The following NHSL2 variants were observed in gnomAD, a reference collection of about 807,000 sequenced individuals.
NHSL2 encodes the protein NHS-like protein 2.
NHSL2 carries 27 observed loss-of-function variants against 53.4 expected under a neutral mutation model. The observed-to-expected ratio is 0.51, with a 90% confidence interval of 0.37 to 0.70. The LOEUF is 0.70. Among genes scored for constraint, NHSL2 ranks in the 30% least tolerant of loss-of-function variants. The pLI is 0.00. For missense variants in NHSL2, 892 were observed against 980.1 expected, an observed-to-expected ratio of 0.91 and a Z score of 1.20; for synonymous variants, 408 against 404.1, an observed-to-expected ratio of 1.01 and a Z score of -0.12.
chrX:72,086,540 T>C lies in NHSL2; in HGVS notation c.281-45539T>C, dbSNP rs2041846116. On this transcript the variant is annotated intron_variant, in intron 1 of 7. Coordinates refer to ENST00000633930, the MANE Select transcript of NHSL2 (RefSeq NM_001013627.3). ...CTCTACTAAAAATACAAAAATTAGC[T>C]GGGTGTGGTGGCAGGTGCCTGTAAT... is the stretch of plus-strand genomic sequence containing the variant. 3.6e-5 allele frequency among the ~76,000 whole-genome samples: 4 copies of C among 109,871 alleles called. No individual in the cohort carries two copies. In the South Asian group the frequency reaches 1.6e-3, roughly 43 times the overall value.
intron 1 of NHSL2, among the ~76,000 whole-genome samples, chrX:72,110,182 C>T (rs1009343546): frequency 1.8e-5 from 2 of 111,771 alleles, no homozygotes; most frequent in Admixed American, 9.5e-5. Context: ...GCATCACCTA[C>T]GAGAGTGTTA....
intron 1 of NHSL2, among the ~76,000 whole-genome samples, chrX:71,975,144 G>A (rs1311101628): frequency 9.0e-6 from 1 of 111,577 alleles, no homozygotes; most frequent in East Asian, 2.8e-4. Context: ...CTGTGCCCTG[G>A]CGACACTCCG....
chrX:72,100,520 C>T (rs1034810542), intron 1 of NHSL2, among the ~76,000 whole-genome samples: 2 of 112,172 alleles, frequency 1.8e-5, no homozygotes, highest in Non-Finnish European at 3.8e-5. Flanking sequence ...GCCATGGACC[C>T]GTACCAGTCC....
At chrX:72,140,873 G>A (rs2042413340) in intron 6 of NHSL2, 102 bp downstream of exon 6, 1 of 726,547 alleles carries the variant, frequency 1.4e-6, no homozygotes, top group South Asian at 2.9e-5. Context: ...TAATTATCCT[G>A]ATCCCAAGTC....
At chrX:72,032,666 C>A (rs2147911540) in intron 1 of NHSL2, among the ~76,000 whole-genome samples, 1 of 111,457 alleles carries the variant, frequency 9.0e-6, no homozygotes, top group East Asian at 2.8e-4. Context: ...CGAGACCAGC[C>A]TGGCCAACAT....
At position 71,911,324 on chromosome X, in the gene NHSL2, TC is replaced by T. The variant is rs1165187042; in HGVS notation, c.240del (p.Cys81AlafsTer13). ...RRTVRLRRRL[P>X]CRLLGPEEDE... ...GCACCGTGCGCCTCCGCCGCCGCCT[TC>T]CCTGCCGCCTGCTTGGCCCGGAGGA... is the stretch of plus-strand genomic sequence containing the variant. On this transcript the variant is annotated frameshift_variant, in exon 1 of 8. Coordinates refer to ENST00000633930, the MANE Select transcript of NHSL2 (RefSeq NM_001013627.3). LOFTEE classifies it high-confidence loss of function. 8.9e-7 allele frequency: 1 copy of T among 1,118,839 alleles called. No homozygotes were observed. The highest frequency in any genetic ancestry group is 1.2e-6 in the Non-Finnish European group (1 of 852,381). 92.2% of individuals were successfully genotyped at this position (1,118,839 alleles called of 1,213,427 possible).
intron 1 of NHSL2, among the ~76,000 whole-genome samples, chrX:72,112,757 T>C (rs1323381513): frequency 9.0e-6 from 1 of 111,666 alleles, no homozygotes; most frequent in Admixed American, 9.5e-5. Flanking sequence ...AGGTGCGATC[T>C]TGGCTTACTG....
intron 1 of NHSL2, chrX:72,069,815 C>T (rs1018778112): frequency 5.6e-5 from 36 of 644,219 alleles, no homozygotes; most frequent in Non-Finnish European, 7.2e-5. Flanking sequence ...CAGCTGCTGC[C>T]ATGCGGGGCC....
At chrX:71,992,253 G>A (rs1252960696) in intron 1 of NHSL2, among the ~76,000 whole-genome samples, 1 of 112,535 alleles carries the variant, frequency 8.9e-6, no homozygotes, top group African/African-American at 3.2e-5. Flanking sequence ...TGTATGTAGA[G>A]CCTGGGTGTC....
At chrX:71,948,181 A>G (rs2041802015) in intron 1 of NHSL2, among the ~76,000 whole-genome samples, 1 of 112,720 alleles carries the variant, frequency 8.9e-6, no homozygotes, top group African/African-American at 3.2e-5. Context: ...TCTGTGCTCA[A>G]TAAATACCGG....
At chrX:71,980,169 G>A (rs2041968907) in intron 1 of NHSL2, among the ~76,000 whole-genome samples, 1 of 111,780 alleles carries the variant, frequency 8.9e-6, no homozygotes, top group South Asian at 3.7e-4. Flanking sequence ...CTGTAGCCTT[G>A]TAGTATAGTT....
Position 72,142,239 on chromosome X carries a change from T to C in NHSL2, c.3231T>C (p.Ser1077=), listed in dbSNP as rs1317844514. ...SEREASPLGS[S]VEPGTEEKSL... The stretch of plus-strand genomic sequence containing the variant: ...TTGGTTTTTTATGTCTAGGGAGTTC[T>C]GTGGAACCAGGCACCGAAGAAAAAA... Residue 1077 remains serine, a synonymous_variant, in exon 7 of 8, where the codon TCT becomes TCC. Transcript: ENST00000633930. 2 of 1,164,188 alleles carry C rather than the reference T, an allele frequency of 1.7e-6. No individual in the cohort carries two copies. Among genetic ancestry groups the C allele is most frequent in the Admixed American group, 5.2e-5 (2 of 38,551 alleles).
chrX:72,001,477 T>C (rs981994372), intron 1 of NHSL2, among the ~76,000 whole-genome samples: 2 of 112,155 alleles, frequency 1.8e-5, no homozygotes, highest in South Asian at 3.7e-4. Flanking sequence ...ATGAGGTATA[T>C]GTCTGTCTGT....
chrX:71,944,133 G>A (rs748763078), intron 1 of NHSL2, among the ~76,000 whole-genome samples: 2 of 112,553 alleles, frequency 1.8e-5, no homozygotes, highest in South Asian at 7.4e-4. Context: ...TGGACTGAGA[G>A]ACTTGGCCAA....
chrX:71,953,531 C>T (rs1302184322), intron 1 of NHSL2, among the ~76,000 whole-genome samples: 1 of 111,139 alleles, frequency 9.0e-6, no homozygotes, highest in Non-Finnish European at 1.9e-5. Context: ...TGAAGGTAGC[C>T]CCCAAGTGAC....
chrX:71,984,174 A>C (rs917398962), intron 1 of NHSL2, among the ~76,000 whole-genome samples: 1 of 111,271 alleles, frequency 9.0e-6, no homozygotes, highest in South Asian at 3.9e-4. Context: ...TAACTATTAG[A>C]TCTCTTGCAA....
At chrX:72,137,625 T>C in intron 5 of NHSL2, among the ~76,000 whole-genome samples, 1 of 111,585 alleles carries the variant, frequency 9.0e-6, no homozygotes, top group Middle Eastern at 4.6e-3. Context: ...CCCTGGTCTT[T>C]CCGCTTACTA....
intron 1 of NHSL2, among the ~76,000 whole-genome samples, chrX:71,964,957 C>G (rs985258665): frequency 7.2e-5 from 8 of 111,377 alleles, no homozygotes; most frequent in African/African-American, 2.6e-4. Flanking sequence ...ACAAATGTAC[C>G]ACTCTGGTGC....
intron 1 of NHSL2, among the ~76,000 whole-genome samples, chrX:71,930,192 C>T (rs1209867754): frequency 1.8e-5 from 2 of 111,654 alleles, no homozygotes; most frequent in Non-Finnish European, 3.8e-5. Flanking sequence ...CCTCTCTTAC[C>T]TCACCTCCCA....
Sources: gnomAD v4.1 joint callset for allele counts (sites outside exome capture counted in the v4.1 genomes callset) on GRCh38, gnomAD v4.1.1 for gene constraint, MANE v1.5 for transcripts, NCBI Gene and HGNC (gene_info 2026-07-23, HGNC 2026-07-21) for gene names.